Variants in SLC35F4 observed in about 807,000 individuals in gnomAD.
SLC35F4 encodes chromosome 14 open reading frame 36.
Under a neutral mutation model 44.2 loss-of-function variants are expected in SLC35F4, and 24 were observed. That is an observed-to-expected ratio of 0.54 (90% CI 0.39 to 0.76). The LOEUF is 0.76. Among genes scored for constraint, SLC35F4 ranks in the 30% least tolerant of loss-of-function variants. The probability of loss-of-function intolerance (pLI) is 0.00; values close to 1 mark genes in which losing one functional copy is unlikely to be tolerated. For missense variants in SLC35F4, 562 were observed against 586.1 expected, an observed-to-expected ratio of 0.96 and a Z score of 0.42; for synonymous variants, 238 against 223.6, an observed-to-expected ratio of 1.06 and a Z score of -0.57.
At chr14:57,716,700 T>A (rs910384710) in intron 1 of SLC35F4, among the ~76,000 whole-genome samples, 10 of 152,330 alleles carry the variant, frequency 6.6e-5, no homozygotes, top group African/African-American at 2.4e-4. Context: ...ATCAGCATAT[T>A]CATCACCTCA....
chr14:57,661,604 G>T (rs1407572061), intron 1 of SLC35F4, among the ~76,000 whole-genome samples: 2 of 152,104 alleles, frequency 1.3e-5, no homozygotes, highest in Non-Finnish European at 2.9e-5. Flanking sequence ...TTTCCTAAAG[G>T]ACTTGAGTCA....
rs139650365 is a variant in SLC35F4, at chr14:57,725,486, G to T, written c.104-131362C>A. Among the ~76,000 whole-genome samples the T allele has an allele frequency of 7.6e-3, 1,152 of 152,260 alleles. 12 individuals carry two copies. The highest frequency in any genetic ancestry group is 0.026 in the African/African-American group (1,091 of 41,544). ...AGATACGGGTTTGCCTATCCTGCAT[G>T]CAATGCTTCTGCCAAGACTACCATC... is the stretch of plus-strand genomic sequence containing the variant. On this transcript the variant is annotated intron_variant, in intron 1 of 7. Coordinates refer to ENST00000556826, the MANE Select transcript of SLC35F4 (RefSeq NM_001306087.2).
At chr14:57,754,970 AAG>A (rs1474745588) in intron 1 of SLC35F4, among the ~76,000 whole-genome samples, 1 of 152,174 alleles carries the variant, frequency 6.6e-6, no homozygotes, top group Non-Finnish European at 1.5e-5. Context: ...GAAATCTGGC[AAG>A]AGAGTCAGTC....
At chr14:57,702,919 A>T (rs879923760) in intron 1 of SLC35F4, among the ~76,000 whole-genome samples, 5 of 152,140 alleles carry the variant, frequency 3.3e-5, no homozygotes, top group African/African-American at 1.2e-4. Flanking sequence ...CTGAGTTCTG[A>T]TCCTACATTT....
In SLC35F4 at chr14:57,720,354, G is replaced by A. The variant is rs536239905; in HGVS notation, c.104-126230C>T. 7.9e-5 allele frequency among the ~76,000 whole-genome samples: 12 copies of A among 152,232 alleles called. No individual in the cohort carries two copies. In the East Asian group the frequency reaches 1.2e-3, roughly 15 times the overall value. On this transcript the variant is annotated intron_variant, in intron 1 of 7. Coordinates refer to ENST00000556826, the MANE Select transcript of SLC35F4 (RefSeq NM_001306087.2). ...GGGTACTACTGGCCTCATAGAGTGA[G>A]TTTGGAGTATTCCTTCCTCCTCTAT...
chr14:57,794,472 T>C (rs1341420116), intron 1 of SLC35F4, among the ~76,000 whole-genome samples: 1 of 152,016 alleles, frequency 6.6e-6, no homozygotes, highest in Non-Finnish European at 1.5e-5. Context: ...ATCAGGGAAA[T>C]GCAAATTAGA....
At chr14:57,938,296 TATA>T (rs998900585) in intron 1 of SLC35F4, among the ~76,000 whole-genome samples, 19 of 151,424 alleles carry the variant, frequency 1.3e-4, no homozygotes, top group African/African-American at 4.4e-4. Flanking sequence ...AAAGGGGTAA[TATA>T]AGAAGTAGTG....
At chr14:57,703,500 G>A (rs1355973577) in intron 1 of SLC35F4, among the ~76,000 whole-genome samples, 1 of 152,118 alleles carries the variant, frequency 6.6e-6, no homozygotes, top group Non-Finnish European at 1.5e-5. Context: ...CTGTCCAAAG[G>A]GCTAATGGTA....
intron 1 of SLC35F4, among the ~76,000 whole-genome samples, chr14:57,752,734 C>CA (rs780046662): frequency 8.0e-4 from 122 of 152,290 alleles, no homozygotes; most frequent in Non-Finnish European, 1.2e-3. Context: ...GCTGGGATTA[C>CA]AGGCGTGAGC....
chr14:57,805,495 T>A (rs944807469), intron 1 of SLC35F4, among the ~76,000 whole-genome samples: 2 of 152,178 alleles, frequency 1.3e-5, no homozygotes, highest in African/African-American at 4.8e-5. Context: ...TGGAAGCCAT[T>A]ATCCTCAGCA....
At chr14:57,845,209 T>C (rs961935496) in intron 1 of SLC35F4, among the ~76,000 whole-genome samples, 6 of 152,208 alleles carry the variant, frequency 3.9e-5, no homozygotes, top group African/African-American at 1.4e-4. Flanking sequence ...TTTTGACTGC[T>C]TGTTACTCTC....
chr14:57,609,373 T>C (rs977309189), intron 1 of SLC35F4, among the ~76,000 whole-genome samples: 2 of 152,246 alleles, frequency 1.3e-5, no homozygotes, highest in African/African-American at 4.8e-5. Context: ...TGGTTTGGCA[T>C]GTTTATCACC....
At chr14:57,568,127 T>C (rs1040933823) in intron 6 of SLC35F4, among the ~76,000 whole-genome samples, 1 of 152,170 alleles carries the variant, frequency 6.6e-6, no homozygotes, top group Non-Finnish European at 1.5e-5. Context: ...AGCACAACTT[T>C]GGCACAGTGA....
At chr14:57,599,132 G>A (rs2070667128) in intron 1 of SLC35F4, among the ~76,000 whole-genome samples, 2 of 152,138 alleles carry the variant, frequency 1.3e-5, no homozygotes, top group African/African-American at 4.8e-5. Flanking sequence ...TTTCAAACAT[G>A]TATTTGCAAA....
intron 2 of SLC35F4, among the ~76,000 whole-genome samples, chr14:57,592,767 C>G (rs1209624833): frequency 6.6e-6 from 1 of 152,138 alleles, no homozygotes; most frequent in Non-Finnish European, 1.5e-5. Context: ...CCTCTGTTTA[C>G]CCTTCCCCCA....
chr14:57,900,878 C>T, intron 1 of SLC35F4, among the ~76,000 whole-genome samples: 1 of 152,260 alleles, frequency 6.6e-6, no homozygotes, highest in Middle Eastern at 3.4e-3. Context: ...AGACACTTCT[C>T]AAAAGAAGAC....
At chr14:57,829,154 T>C (rs1271398885) in intron 1 of SLC35F4, among the ~76,000 whole-genome samples, 3 of 152,160 alleles carry the variant, frequency 2.0e-5, no homozygotes, top group Non-Finnish European at 4.4e-5. Flanking sequence ...AGACAAATGA[T>C]GTTAGAGGCA....
At chr14:57,776,157 C>G (rs2077482667) in intron 1 of SLC35F4, among the ~76,000 whole-genome samples, 1 of 152,042 alleles carries the variant, frequency 6.6e-6, no homozygotes, top group Non-Finnish European at 1.5e-5. Flanking sequence ...TGTTAGGAGA[C>G]CAAATCTATG....
At chr14:57,847,350 C>T (rs771582008) in intron 1 of SLC35F4, among the ~76,000 whole-genome samples, 15 of 152,104 alleles carry the variant, frequency 9.9e-5, no homozygotes, top group Non-Finnish European at 1.9e-4. Context: ...TAAGCAGCAA[C>T]TTGAGAACCA....
Sources: allele counts gnomAD v4.1 joint callset (sites outside exome capture counted in the v4.1 genomes callset), GRCh38; gene constraint gnomAD v4.1.1; transcripts MANE v1.5; gene names NCBI Gene and HGNC (gene_info 2026-07-23, HGNC 2026-07-21).